The following CA10 variants were observed in gnomAD, a reference collection of about 807,000 sequenced individuals.
The protein encoded by CA10 is carbonic anhydrase-related protein 10.
CA10 carries 14 observed loss-of-function variants against 44.2 expected under a neutral mutation model. The observed-to-expected ratio is 0.32, with a 90% CI of 0.21 to 0.50. The LOEUF is 0.50. CA10 is among the 20% of genes least tolerant of loss of function. The pLI is 0.99. For synonymous variants in CA10, 159 were observed against 141.6 expected (o/e 1.12, Z -0.87); for missense variants, 350 against 409.7 (o/e 0.85, Z 1.26).
Position 51,831,667 on chromosome 17 carries a change from AAGCAGCAGCAGCAGCAGCAGCAGCAGC to A in CA10, c.280-83876_280-83850del, listed in dbSNP as rs66635963. Among the ~76,000 whole-genome samples the A allele has an allele frequency of 1.7e-3, 215 of 127,492 alleles. 3 individuals are homozygous for A. The highest frequency in any genetic ancestry group is 6.9e-3 in the South Asian group (23 of 3,312). 83.6% of individuals were successfully genotyped at this position (127,492 alleles called of 152,430 possible). The stretch of plus-strand genomic sequence containing the variant: ...TGGATTGTTCCAAGGAGAAAAGAAA[AAGCAGCAGCAGCAGCAGCAGCAGCAGC>A]AGCAGCAGCAGCAGCAGCAGCAGCA... On this transcript the variant is annotated intron_variant, in intron 3 of 8. Coordinates refer to ENST00000451037, the MANE Select transcript of CA10 (RefSeq NM_020178.5).
chr17:51,921,416 G>A (rs1336694870), intron 3 of CA10, among the ~76,000 whole-genome samples: 1 of 152,194 alleles, frequency 6.6e-6, no homozygotes, highest in Non-Finnish European at 1.5e-5. Flanking sequence ...CCCTATGTCT[G>A]AGCCTGCACA....
chr17:51,894,055 A>G (rs1485820101), intron 3 of CA10, among the ~76,000 whole-genome samples: 2 of 152,196 alleles, frequency 1.3e-5, no homozygotes, highest in African/African-American at 4.8e-5. Context: ...CTAGAAAAGT[A>G]TAGGGAGCTT....
At chr17:52,102,445 C>A (rs1185936072) in intron 1 of CA10, among the ~76,000 whole-genome samples, 1 of 152,182 alleles carries the variant, frequency 6.6e-6, no homozygotes, top group African/African-American at 2.4e-5. Flanking sequence ...TGACCTTAAA[C>A]TTGTTTGAAT....
Position 51,711,581 on chromosome 17 carries a change from T to C in CA10, c.465+36052A>G, listed in dbSNP as rs562567016. Among the ~76,000 whole-genome samples, 5 of 152,350 alleles carry C rather than the reference T, an allele frequency of 3.3e-5. No individual in the cohort carries two copies. The South Asian group carries it at 6.2e-4, about 19-fold the overall frequency. Reference sequence around the variant, plus strand: ...CTGTTGGGTTCCTTTAGACACAGCCTGCGATGGAGAGTCTAGTTCAAGTGT... The same window carrying C: ...CTGTTGGGTTCCTTTAGACACAGCCCGCGATGGAGAGTCTAGTTCAAGTGT... On this transcript the variant is annotated intron_variant, in intron 4 of 8. Transcript: ENST00000451037.
In CA10 at chr17:52,081,263, T is replaced by TA. The variant is rs569057314; in HGVS notation, c.62-8871dup. Among the ~76,000 whole-genome samples the TA allele has an allele frequency of 4.0e-3, 612 of 152,204 alleles. 6 individuals are homozygous for TA. The highest frequency in any genetic ancestry group is 0.029 in the South Asian group (138 of 4,826). On this transcript the variant is annotated intron_variant, in intron 1 of 8. Coordinates refer to ENST00000451037, the MANE Select transcript of CA10 (RefSeq NM_020178.5). ...TATGACACTTAATCAGAGATTTAAA[T>TA]AAAAATAATTGGCTTCATGAAGATC...
intron 3 of CA10, among the ~76,000 whole-genome samples, chr17:51,887,146 G>C: frequency 6.6e-6 from 1 of 151,592 alleles, no homozygotes; most frequent in East Asian, 1.9e-4. Flanking sequence ...AGAGAACTTC[G>C]GCTAATACAA....
At chr17:51,684,740 C>T (rs1395311332) in intron 4 of CA10, among the ~76,000 whole-genome samples, 1 of 152,204 alleles carries the variant, frequency 6.6e-6, no homozygotes, top group Non-Finnish European at 1.5e-5. Context: ...GATCCACCAC[C>T]TGGCCCAGAG....
chr17:52,113,388 G>A (rs1235516530), intron 1 of CA10, among the ~76,000 whole-genome samples: 1 of 152,028 alleles, frequency 6.6e-6, no homozygotes, highest in Non-Finnish European at 1.5e-5. Context: ...AAAAAGGTCA[G>A]TGTTCTGAGT....
At chr17:52,049,294 C>T (rs1025329037) in intron 2 of CA10, among the ~76,000 whole-genome samples, 4 of 152,084 alleles carry the variant, frequency 2.6e-5, no homozygotes, top group African/African-American at 9.7e-5. Context: ...GGTTTGAGTC[C>T]TGATTCTGCT....
chr17:51,860,935 C>T (rs533682376), intron 3 of CA10, among the ~76,000 whole-genome samples: 2 of 152,294 alleles, frequency 1.3e-5, no homozygotes, highest in East Asian at 3.9e-4. Context: ...AACCTGTGGG[C>T]TGTATTGCGC....
At chr17:51,652,370 C>A (rs142382371) in intron 5 of CA10, among the ~76,000 whole-genome samples, 5 of 152,296 alleles carry the variant, frequency 3.3e-5, no homozygotes, top group African/African-American at 9.6e-5. Context: ...CCAGGAGATA[C>A]CATTAGAATC....
chr17:51,833,287 T>C (rs1294774892), intron 3 of CA10, among the ~76,000 whole-genome samples: 1 of 152,178 alleles, frequency 6.6e-6, no homozygotes, highest in Non-Finnish European at 1.5e-5. Flanking sequence ...GAGGCCAGGA[T>C]AAACCAATGC....
intron 4 of CA10, among the ~76,000 whole-genome samples, chr17:51,690,985 A>G (rs541427157): frequency 1.3e-5 from 2 of 152,212 alleles, no homozygotes; most frequent in Admixed American, 1.3e-4. Flanking sequence ...CCACTGATGG[A>G]CACTTAGGTT....
chr17:51,921,668 C>A (rs1982239587), intron 3 of CA10, among the ~76,000 whole-genome samples: 1 of 152,134 alleles, frequency 6.6e-6, no homozygotes, highest in Non-Finnish European at 1.5e-5. Flanking sequence ...TGACAATGGC[C>A]TCACTTGTCA....
At chr17:51,890,119 G>A (rs908009797) in intron 3 of CA10, among the ~76,000 whole-genome samples, 3 of 152,168 alleles carry the variant, frequency 2.0e-5, no homozygotes, top group African/African-American at 7.2e-5. Context: ...ATGTGCCAAT[G>A]GCTTAGTGTT....
At chr17:51,766,086 G>A (rs936046488) in intron 3 of CA10, among the ~76,000 whole-genome samples, 15 of 152,146 alleles carry the variant, frequency 9.9e-5, no homozygotes, top group Non-Finnish European at 2.2e-4. Flanking sequence ...TCCTAATTCA[G>A]GGTTGCCTAC....
chr17:52,119,802 G>C (rs895437987), intron 1 of CA10, among the ~76,000 whole-genome samples: 5 of 152,162 alleles, frequency 3.3e-5, no homozygotes, highest in Admixed American at 6.5e-5. Flanking sequence ...GATAAATTAT[G>C]TTCCAAAACT....
chr17:52,015,105 C>A (rs900697713), intron 2 of CA10, among the ~76,000 whole-genome samples: 1 of 152,020 alleles, frequency 6.6e-6, no homozygotes, highest in Non-Finnish European at 1.5e-5. Flanking sequence ...GATGTACTAA[C>A]GTCAGTGTAG....
chr17:51,699,092 G>A (rs1915498752), intron 4 of CA10, among the ~76,000 whole-genome samples: 1 of 152,156 alleles, frequency 6.6e-6, no homozygotes, highest in Non-Finnish European at 1.5e-5. Context: ...AGGCCAAGGT[G>A]GGTGGATCAC....
Sources: allele counts gnomAD v4.1 joint callset (sites outside exome capture counted in the v4.1 genomes callset), GRCh38; gene constraint gnomAD v4.1.1; transcripts MANE v1.5; gene names NCBI Gene and HGNC (gene_info 2026-07-23, HGNC 2026-07-21).